The following WWOX variants were observed in gnomAD, a reference collection of about 807,000 sequenced individuals.
WWOX encodes WW domain containing oxidoreductase, also known as WW domain-containing oxidoreductase.
A neutral mutation model predicts 46.2 loss-of-function variants in WWOX; 69 were observed. The observed-to-expected ratio is 1.49, with a 90% CI of 1.23 to 1.82. WWOX has a LOEUF of 1.82. Among genes scored for constraint, WWOX ranks in the 40% most tolerant of loss-of-function variants. The probability of loss-of-function intolerance (pLI) is 0.00; values close to 1 mark genes in which losing one functional copy is unlikely to be tolerated. For missense variants in WWOX, 919 were observed against 542.6 expected, an observed-to-expected ratio of 1.69 and a Z score of -6.89; for synonymous variants, 359 against 202.6, an observed-to-expected ratio of 1.77 and a Z score of -6.56.
At position 78,975,514 on chromosome 16, in the gene WWOX, T is replaced by C. The variant is rs540644003; in HGVS notation, c.1057-236094T>C. On this transcript the variant is annotated intron_variant, in intron 8 of 8. Coordinates refer to ENST00000566780, the MANE Select transcript of WWOX (RefSeq NM_016373.4). The stretch of plus-strand genomic sequence containing the variant: ...CCAGGAGCCTTTTGAGATACGACTT[T>C]CCTAATGGTCTTTGCCCATGAAATC... 1.5e-3 allele frequency among the ~76,000 whole-genome samples: 226 copies of C among 152,042 alleles called. 1 individual carries two copies. The highest frequency in any genetic ancestry group is 5.1e-3 in the African/African-American group (213 of 41,480).
intron 5 of WWOX, among the ~76,000 whole-genome samples, chr16:78,361,998 C>T (rs1163788948): frequency 7.4e-6 from 1 of 136,004 alleles, no homozygotes; most frequent in Admixed American, 7.4e-5. Flanking sequence ...TTATTAATAC[C>T]TCCATTTATT....
chr16:78,634,241 CAGTT>C lies in WWOX; in HGVS notation c.1056+201495_1056+201498del, dbSNP rs139413268. Among the ~76,000 whole-genome samples the C allele has an allele frequency of 8.4e-4, 128 of 152,256 alleles. 3 individuals are homozygous for C. Among genetic ancestry groups the C allele is most frequent in the African/African-American group, 3.0e-3 (123 of 41,538 alleles). On this transcript the variant is annotated intron_variant, in intron 8 of 8. Transcript: ENST00000566780. Reference sequence around the variant, plus strand: ...GCCATAGTGGTGAGCTAAGAGCAGGCAGTTAGTTAAGTGTATGACAAGTATCTCA... The same window carrying C: ...GCCATAGTGGTGAGCTAAGAGCAGGCAGTTAAGTGTATGACAAGTATCTCA...
intron 8 of WWOX, among the ~76,000 whole-genome samples, chr16:78,771,507 C>T (rs375150085): frequency 6.6e-6 from 1 of 152,176 alleles, no homozygotes; most frequent in Admixed American, 6.5e-5. Flanking sequence ...TGCGGTGGCT[C>T]ACGCCTGTAA....
chr16:78,197,640 G>A (rs2036096461), intron 5 of WWOX, among the ~76,000 whole-genome samples: 1 of 152,146 alleles, frequency 6.6e-6, no homozygotes, highest in Admixed American at 6.5e-5. Context: ...AAGGAGAGGG[G>A]GAGAAGGGAA....
Position 78,862,252 on chromosome 16 carries a change from G to A in WWOX, c.1057-349356G>A, listed in dbSNP as rs1203354699. Among the ~76,000 whole-genome samples, 11 of 150,998 alleles carry A rather than the reference G, an allele frequency of 7.3e-5. No homozygotes were observed. In the South Asian group the frequency reaches 2.3e-3, roughly 31 times the overall value. ...TGTATCTATACACACCTATGGGTGT[G>A]TCTGTCTGTACCTATACACACCTAT... On this transcript the variant is annotated intron_variant, in intron 8 of 8. Transcript: ENST00000566780.
chr16:78,248,189 A>T (rs893107454), intron 5 of WWOX, among the ~76,000 whole-genome samples: 1 of 152,144 alleles, frequency 6.6e-6, no homozygotes, highest in Non-Finnish European at 1.5e-5. Context: ...TGATGCTAGC[A>T]TCTGCTTGGC....
chr16:79,003,461 G>A (rs1351116120), intron 8 of WWOX, among the ~76,000 whole-genome samples: 2 of 152,132 alleles, frequency 1.3e-5, no homozygotes, highest in East Asian at 1.9e-4. Flanking sequence ...ATTTACTGGC[G>A]TAAAACGACA....
At chr16:78,817,499 A>G (rs908116074) in intron 8 of WWOX, among the ~76,000 whole-genome samples, 1 of 152,200 alleles carries the variant, frequency 6.6e-6, no homozygotes, top group African/African-American at 2.4e-5. Flanking sequence ...GCACACTGCA[A>G]AATAGATGTA....
intron 8 of WWOX, among the ~76,000 whole-genome samples, chr16:79,055,643 T>A (rs991613956): frequency 2.0e-5 from 3 of 152,104 alleles, no homozygotes; most frequent in Non-Finnish European, 4.4e-5. Context: ...TTTTTAAAGG[T>A]GTATGTTTGG....
intron 8 of WWOX, among the ~76,000 whole-genome samples, chr16:78,734,845 T>G (rs1299797240): frequency 1.9e-5 from 1 of 52,186 alleles, no homozygotes; most frequent in Non-Finnish European, 3.2e-5. Context: ...TCAGTCCTTT[T>G]TTTTTTTTTT....
At chr16:79,060,496 G>C (rs2150547294) in intron 8 of WWOX, among the ~76,000 whole-genome samples, 1 of 152,344 alleles carries the variant, frequency 6.6e-6, no homozygotes, top group East Asian at 1.9e-4. Context: ...TTTCCAATTT[G>C]TGCTTAGTAG....
At chr16:78,976,510 C>T (rs373998273) in intron 8 of WWOX, among the ~76,000 whole-genome samples, 5 of 152,168 alleles carry the variant, frequency 3.3e-5, no homozygotes, top group African/African-American at 9.7e-5. Context: ...TAAGCAAGAA[C>T]GTGAGGGGTG....
chr16:78,836,129 C>T (rs1124807), intron 8 of WWOX, among the ~76,000 whole-genome samples: 10,816 of 152,016 alleles, frequency 0.071, 552 homozygotes, highest in Middle Eastern at 0.12. Flanking sequence ...CTATATATAC[C>T]GCCTGGCCTC....
At chr16:78,909,332 G>A (rs915692340) in intron 8 of WWOX, among the ~76,000 whole-genome samples, 7 of 152,154 alleles carry the variant, frequency 4.6e-5, no homozygotes, top group East Asian at 1.9e-4. Context: ...ATCCAGATCC[G>A]CTTTGGTAAG....
chr16:78,923,173 G>A (rs897508850), intron 8 of WWOX, among the ~76,000 whole-genome samples: 1 of 151,806 alleles, frequency 6.6e-6, no homozygotes, highest in East Asian at 1.9e-4. Flanking sequence ...TAGAGACGGG[G>A]TTTCTCCATG....
At chr16:78,642,354 C>G (rs1290808374) in intron 8 of WWOX, among the ~76,000 whole-genome samples, 1 of 152,138 alleles carries the variant, frequency 6.6e-6, no homozygotes, top group African/African-American at 2.4e-5. Flanking sequence ...TCTCCAGATT[C>G]CTTGTTCTGT....
chr16:78,533,267 G>A (rs1235138131), intron 8 of WWOX, among the ~76,000 whole-genome samples: 1 of 152,110 alleles, frequency 6.6e-6, no homozygotes, highest in East Asian at 1.9e-4. Context: ...TTTTGGCCGG[G>A]CATGGTGGCT....
chr16:78,926,859 C>T (rs536379919), intron 8 of WWOX, among the ~76,000 whole-genome samples: 2 of 152,154 alleles, frequency 1.3e-5, no homozygotes, highest in Admixed American at 6.5e-5. Context: ...TACATTGGTG[C>T]GATGAAGGCT....
chr16:78,683,566 A>AG (rs2047781493), intron 8 of WWOX, among the ~76,000 whole-genome samples: 1 of 151,684 alleles, frequency 6.6e-6, no homozygotes, highest in Non-Finnish European at 1.5e-5. Flanking sequence ...AATAATAAAA[A>AG]AAAAATTACA....
Sources: allele counts gnomAD v4.1 joint callset (sites outside exome capture counted in the v4.1 genomes callset), GRCh38; gene constraint gnomAD v4.1.1; transcripts MANE v1.5; gene names NCBI Gene and HGNC (gene_info 2026-07-23, HGNC 2026-07-21).